The following TBC1D5 variants were observed in gnomAD, a reference collection of about 807,000 sequenced individuals.
TBC1D5 encodes the protein TBC1 domain family, member 5.
A neutral mutation model predicts 100.3 loss-of-function variants in TBC1D5; 75 were observed. The observed-to-expected ratio is 0.75, with a 90% CI of 0.62 to 0.91. The LOEUF (loss-of-function observed/expected upper bound fraction) is 0.91, where lower values mean the gene tolerates loss of function less well. Among genes scored for constraint, TBC1D5 ranks in the 40% least tolerant of loss-of-function variants. The pLI is 0.00. For missense variants in TBC1D5, 910 were observed against 942.4 expected (o/e 0.97, Z 0.45); for synonymous variants, 323 against 325.6 (o/e 0.99, Z 0.09).
At chr3:17,513,542 T>C (rs1433964522) in intron 2 of TBC1D5, among the ~76,000 whole-genome samples, 1 of 152,222 alleles carries the variant, frequency 6.6e-6, no homozygotes, top group Non-Finnish European at 1.5e-5. Flanking sequence ...TAACTGTTTC[T>C]AATACTTAGG....
chr3:17,486,710 T>A (rs1056360336), intron 3 of TBC1D5, among the ~76,000 whole-genome samples: 2 of 152,158 alleles, frequency 1.3e-5, no homozygotes, highest in East Asian at 3.9e-4. Flanking sequence ...AACAGCACAC[T>A]GTGGCATTTT....
At chr3:17,494,140 T>C (rs998589333) in intron 3 of TBC1D5, among the ~76,000 whole-genome samples, 2 of 152,198 alleles carry the variant, frequency 1.3e-5, no homozygotes, top group Non-Finnish European at 2.9e-5. Context: ...GTTTTTCTTT[T>C]AACAGTCAGG....
intron 13 of TBC1D5, among the ~76,000 whole-genome samples, chr3:17,327,130 T>C (rs2086249910): frequency 2.6e-5 from 4 of 152,246 alleles, no homozygotes; most frequent in Admixed American, 2.6e-4. Context: ...CTGAATAAAT[T>C]TGATGGCCTA....
intron 2 of TBC1D5, among the ~76,000 whole-genome samples, chr3:17,513,782 G>A (rs895215419): frequency 4.6e-5 from 7 of 152,248 alleles, no homozygotes; most frequent in Non-Finnish European, 5.9e-5. Flanking sequence ...AGGATGCAGC[G>A]TGAATAAGTA....
intron 3 of TBC1D5, among the ~76,000 whole-genome samples, chr3:17,505,937 A>G (rs966439374): frequency 4.6e-5 from 7 of 152,182 alleles, no homozygotes; most frequent in African/African-American, 1.7e-4. Context: ...CACATGGAAA[A>G]TATCTCCTAA....
chr3:17,231,773 TATCATTGTCA>T (rs1194072498), intron 17 of TBC1D5, among the ~76,000 whole-genome samples: 2 of 152,196 alleles, frequency 1.3e-5, no homozygotes, highest in African/African-American at 4.8e-5. Flanking sequence ...TCTCATTGTC[TATCATTGTCA>T]AAATCATCAC....
At chr3:17,732,196 T>C (rs771037207) in intron 1 of TBC1D5, among the ~76,000 whole-genome samples, 2 of 151,992 alleles carry the variant, frequency 1.3e-5, no homozygotes, top group Non-Finnish European at 2.9e-5. Flanking sequence ...TGGGCGCCTG[T>C]AATCCCAGCT....
chr3:17,484,829 T>C (rs1326345504), intron 3 of TBC1D5, among the ~76,000 whole-genome samples: 2 of 152,044 alleles, frequency 1.3e-5, no homozygotes, highest in African/African-American at 4.8e-5. Context: ...TTCCTTAAGA[T>C]GAATTTACAG....
At chr3:17,712,447 T>C (rs1021065455) in intron 1 of TBC1D5, among the ~76,000 whole-genome samples, 2 of 152,352 alleles carry the variant, frequency 1.3e-5, no homozygotes, top group South Asian at 2.1e-4. Context: ...TCTGTTTTTA[T>C]AATGACCACA....
chr3:17,729,152 C>A (rs571168774), intron 1 of TBC1D5, among the ~76,000 whole-genome samples: 1 of 151,720 alleles, frequency 6.6e-6, no homozygotes, highest in East Asian at 1.9e-4. Context: ...ATTTACAACA[C>A]CCTCTGATAG....
intron 18 of TBC1D5, among the ~76,000 whole-genome samples, chr3:17,212,678 G>A (rs1359858087): frequency 1.3e-5 from 2 of 151,774 alleles, no homozygotes; most frequent in East Asian, 3.9e-4. Flanking sequence ...TCCTGACCCT[G>A]GTTAGGCCTA....
At position 17,540,662 on chromosome 3, in the gene TBC1D5, A is replaced by G. The variant is rs537427402; in HGVS notation, c.-35-32057T>C. Among the ~76,000 whole-genome samples the G allele has an allele frequency of 1.3e-3, 192 of 152,176 alleles. 1 individual carries two copies. Among genetic ancestry groups the G allele is most frequent in the African/African-American group, 4.5e-3 (186 of 41,538 alleles). On this transcript the variant is annotated intron_variant, in intron 2 of 21. Coordinates refer to ENST00000253692, the Ensembl canonical transcript of TBC1D5. ...AGTGGCTCACACCTGTAATCCCAGC[A>G]CCTTGGGAGGCCGAGGCGGGCAGAT...
At chr3:17,525,254 C>T (rs2096118854) in intron 2 of TBC1D5, among the ~76,000 whole-genome samples, 1 of 152,020 alleles carries the variant, frequency 6.6e-6, no homozygotes, top group African/African-American at 2.4e-5. Context: ...CTCAGCCTCC[C>T]AAGTAGCTGG....
At chr3:17,196,416 C>T (rs972930909) in intron 18 of TBC1D5, among the ~76,000 whole-genome samples, 18 of 152,278 alleles carry the variant, frequency 1.2e-4, no homozygotes, top group Non-Finnish European at 2.4e-4. Context: ...GGAAACAACA[C>T]AGAAGTATGA....
rs1033611695 is a variant in TBC1D5 at position 17,174,886 on chromosome 3, C to A, written c.1853-7058G>T. 1.6e-4 allele frequency among the ~76,000 whole-genome samples: 24 copies of A among 152,222 alleles called. No individual in the cohort carries two copies. In the East Asian group the frequency reaches 4.6e-3, roughly 29 times the overall value. On this transcript the variant is annotated intron_variant, in intron 19 of 21. Transcript: ENST00000253692. ...GGATTACAGACATGAGCCACCATGC[C>A]CAGCCAGAACTGTTTTTACATGAGA...
intron 3 of TBC1D5, among the ~76,000 whole-genome samples, chr3:17,446,844 G>A (rs1280841042): frequency 3.3e-5 from 5 of 152,060 alleles, no homozygotes; most frequent in African/African-American, 7.2e-5. Flanking sequence ...GGTGGCAGGC[G>A]CCTGTAGTCC....
At chr3:17,486,172 C>T (rs1307106580) in intron 3 of TBC1D5, among the ~76,000 whole-genome samples, 1 of 152,094 alleles carries the variant, frequency 6.6e-6, no homozygotes, top group Non-Finnish European at 1.5e-5. Context: ...ATCCTTTGCC[C>T]ACTTTTTGAT....
intron 2 of TBC1D5, among the ~76,000 whole-genome samples, chr3:17,590,084 C>T (rs569600831): frequency 1.3e-5 from 2 of 152,306 alleles, no homozygotes; most frequent in Non-Finnish European, 2.9e-5. Flanking sequence ...CTGTTTGTTT[C>T]TAGACCTATA....
chr3:17,232,213 T>C (rs888282890), intron 17 of TBC1D5, among the ~76,000 whole-genome samples: 4 of 152,160 alleles, frequency 2.6e-5, no homozygotes, highest in Non-Finnish European at 4.4e-5. Flanking sequence ...ATTAATAGCA[T>C]AGAAGCAGAA....
Sources: gnomAD v4.1 joint callset for allele counts (sites outside exome capture counted in the v4.1 genomes callset) on GRCh38, gnomAD v4.1.1 for gene constraint, MANE v1.5 for transcripts, NCBI Gene and HGNC (gene_info 2026-07-23, HGNC 2026-07-21) for gene names.